Variants in RSBN1L observed in about 807,000 individuals in gnomAD.
RSBN1L encodes the protein lysine-specific demethylase RSBN1L.
Under a neutral mutation model 67.7 loss-of-function variants are expected in RSBN1L, and 30 were observed. The observed-to-expected ratio is 0.44, with a 90% CI of 0.33 to 0.60. The LOEUF (loss-of-function observed/expected upper bound fraction) is 0.60, where lower values mean the gene tolerates loss of function less well. Ranked by LOEUF, RSBN1L falls within the 20% of genes least tolerant of loss-of-function variation. The pLI is 0.02. For missense variants in RSBN1L, 992 were observed against 1,031.7 expected (o/e 0.96, Z 0.53); for synonymous variants, 433 against 387.0 (o/e 1.12, Z -1.39).
At chr7:77,765,456 G>T in intron 3 of RSBN1L, 39 bp from the exon 4 acceptor site, 3 of 1,448,762 alleles carry the variant, frequency 2.1e-6, no homozygotes, top group Non-Finnish European at 2.8e-6. Flanking sequence ...CAGGTAAAAA[G>T]AACGTATTTA....
In RSBN1L at chr7:77,779,418, G is replaced by T; in HGVS notation, c.*250G>T. ...AAAAATCATTTACGTTGGAATTTTA[G>T]GTTTTAGAATAGAGCTGACATTAAC... On this transcript the variant is annotated 3_prime_UTR_variant, in exon 8 of 8. Transcript: ENST00000334955. 4.9e-6 allele frequency: 1 copy of T among 204,838 alleles called. No individual in the cohort carries two copies. 12.7% of individuals were successfully genotyped at this position (204,838 alleles called of 1,614,324 possible). A position where few individuals can be genotyped will look rare whatever the true frequency, so the allele number is the denominator to read the frequency against.
Position 77,696,661 on chromosome 7 carries a change from G to C in RSBN1L, c.192G>C (p.Gly64=), listed in dbSNP as rs775127362. Residue 64 remains glycine, a synonymous_variant, in exon 1 of 8, where the codon GGG becomes GGC. Transcript: ENST00000334955. The part of the protein sequence containing the change: ...RRVNGEGGSG[G]NSRQLQPPAA... ...TGAACGGAGAAGGGGGCAGCGGCGG[G>C]AACAGCAGGCAGCTGCAGCCGCCGG... The C allele has an allele frequency of 5.0e-6, 8 of 1,612,082 alleles. No homozygotes were observed. The highest frequency in any genetic ancestry group is 3.3e-4 in the Middle Eastern group (2 of 6,074).
intron 2 of RSBN1L, among the ~76,000 whole-genome samples, chr7:77,740,985 CTT>C (rs869081974): frequency 3.9e-5 from 4 of 102,914 alleles, no homozygotes; most frequent in African/African-American, 1.3e-4. Flanking sequence ...CTTTTCTTTT[CTT>C]TTTTTTTTTT....
At chr7:77,761,054 G>A (rs923960609) in intron 3 of RSBN1L, among the ~76,000 whole-genome samples, 10 of 152,222 alleles carry the variant, frequency 6.6e-5, no homozygotes, top group Non-Finnish European at 1.3e-4. Context: ...CACATTGAGC[G>A]TCATCAGGAT....
chr7:77,726,030 ATCTG>A (rs1027668665), intron 1 of RSBN1L, among the ~76,000 whole-genome samples: 5 of 151,984 alleles, frequency 3.3e-5, no homozygotes, highest in African/African-American at 4.8e-5. Context: ...ATACATGTGT[ATCTG>A]TCTGTATTTC....
Position 77,775,573 on chromosome 7 carries a change from T to A in RSBN1L, c.1793+2259T>A, listed in dbSNP as rs116371482. 4.4e-3 allele frequency among the ~76,000 whole-genome samples: 675 copies of A among 152,264 alleles called. 3 individuals are homozygous for A. Among genetic ancestry groups the A allele is most frequent in the African/African-American group, 0.016 (650 of 41,534 alleles). ...TTTGATTTCTTTTTTAACCCATGGG[T>A]TATCAAGAAGTGTTGTTTAGTTTCC... is the stretch of plus-strand genomic sequence containing the variant. On this transcript the variant is annotated intron_variant, in intron 6 of 7. Coordinates refer to ENST00000334955, the MANE Select transcript of RSBN1L (RefSeq NM_198467.3).
chr7:77,754,583 A>G (rs984459519), intron 3 of RSBN1L, among the ~76,000 whole-genome samples: 14 of 152,350 alleles, frequency 9.2e-5, no homozygotes, highest in African/African-American at 3.4e-4. Flanking sequence ...AGAATATGAC[A>G]TTAACATTCA....
intron 2 of RSBN1L, among the ~76,000 whole-genome samples, chr7:77,746,123 A>C (rs780203635): frequency 6.6e-6 from 1 of 152,160 alleles, no homozygotes; most frequent in Admixed American, 6.5e-5. Flanking sequence ...GGATGCCTGC[A>C]TTAAAGGATA....
chr7:77,748,474 A>G (rs768018895), intron 2 of RSBN1L, among the ~76,000 whole-genome samples: 6 of 152,128 alleles, frequency 3.9e-5, no homozygotes, highest in Non-Finnish European at 8.8e-5. Flanking sequence ...CTAGGCATAG[A>G]TGATTCTTTT....
intron 4 of RSBN1L, chr7:77,768,438 A>G (rs1258076013): frequency 2.6e-5 from 13 of 496,186 alleles, no homozygotes; most frequent in Non-Finnish European, 3.3e-5. Flanking sequence ...GGGTATAGGG[A>G]CAGAACCATC....
Position 77,780,561 on chromosome 7 carries a change from TC to T in RSBN1L, c.*1395del, listed in dbSNP as rs1313432714. 5 of 152,208 alleles carry T rather than the reference TC, an allele frequency of 3.3e-5. No individual in the cohort carries two copies. The highest frequency in any genetic ancestry group is 1.2e-4 in the African/African-American group (5 of 41,452). The allele number at this position is 152,208 out of a possible 1,614,324, so 9.4% of individuals were successfully genotyped here. ...ACAGAAAGCTTGTGAGCAATTAAAA[TC>T]CTTTTACATTTTTCTTGCAGAATGG... On this transcript the variant is annotated 3_prime_UTR_variant, in exon 8 of 8. Transcript: ENST00000334955.
At chr7:77,742,796 C>T (rs771207491) in intron 2 of RSBN1L, among the ~76,000 whole-genome samples, 1 of 152,146 alleles carries the variant, frequency 6.6e-6, no homozygotes, top group Non-Finnish European at 1.5e-5. Context: ...GCCGATTGCA[C>T]GATTGCACTG....
intron 1 of RSBN1L, among the ~76,000 whole-genome samples, chr7:77,701,170 A>C (rs1219721426): frequency 7.8e-6 from 1 of 128,526 alleles, no homozygotes; most frequent in Non-Finnish European, 1.6e-5. Flanking sequence ...AAAAAAAAAA[A>C]CAACAACAAC....
At chr7:77,709,228 GCC>G in intron 1 of RSBN1L, among the ~76,000 whole-genome samples, 1 of 151,614 alleles carries the variant, frequency 6.6e-6, no homozygotes, top group Non-Finnish European at 1.5e-5. Context: ...GTGTCTGCCT[GCC>G]TGTGTGGAGG....
chr7:77,762,405 A>G (rs1791707461), intron 3 of RSBN1L, among the ~76,000 whole-genome samples: 1 of 152,156 alleles, frequency 6.6e-6, no homozygotes, highest in African/African-American at 2.4e-5. Flanking sequence ...TCAGTCTATT[A>G]TGTTAAACAT....
intron 6 of RSBN1L, among the ~76,000 whole-genome samples, chr7:77,774,667 G>A (rs1287623210): frequency 1.3e-5 from 2 of 152,176 alleles, no homozygotes; most frequent in Non-Finnish European, 2.9e-5. Context: ...AACCCAGGAG[G>A]CAGAGGTTGC....
At chr7:77,767,290 ATT>A (rs66814358) in intron 4 of RSBN1L, among the ~76,000 whole-genome samples, 3,379 of 148,266 alleles carry the variant, frequency 0.023, 121 homozygotes, top group African/African-American at 0.076. Flanking sequence ...GTGTGGTGAA[ATT>A]TTTTTTTTTT....
intron 1 of RSBN1L, among the ~76,000 whole-genome samples, chr7:77,710,158 G>A (rs367688905): frequency 6.6e-6 from 1 of 152,128 alleles, no homozygotes; most frequent in Admixed American, 6.6e-5. Flanking sequence ...CCTCCTTAGT[G>A]GGCTCCCTAT....
chr7:77,757,107 C>G (rs115525923), intron 3 of RSBN1L, among the ~76,000 whole-genome samples: 3,042 of 152,254 alleles, frequency 0.02, 87 homozygotes, highest in African/African-American at 0.069. Context: ...TCTGTAGAAA[C>G]TAAAAGATGA....
Sources: allele counts gnomAD v4.1 joint callset (sites outside exome capture counted in the v4.1 genomes callset), GRCh38; gene constraint gnomAD v4.1.1; transcripts MANE v1.5; gene names NCBI Gene and HGNC (gene_info 2026-07-23, HGNC 2026-07-21).